CCDC171: variants seen among roughly 807,000 people sequenced by gnomAD.
The protein encoded by CCDC171 is coiled-coil domain containing 171.
Under a neutral mutation model 168.2 loss-of-function variants are expected in CCDC171, and 177 were observed. That is an observed-to-expected ratio of 1.05 (90% CI 0.93 to 1.19). The LOEUF (loss-of-function observed/expected upper bound fraction) is 1.19. Among genes scored for constraint, CCDC171 ranks in the 50% most tolerant of loss-of-function variants. The probability of loss-of-function intolerance (pLI) is 0.00; values close to 1 mark genes in which losing one functional copy is unlikely to be tolerated. For missense variants in CCDC171, 1,991 were observed against 1,539.0 expected (o/e 1.29, Z -4.91); for synonymous variants, 687 against 540.8 (o/e 1.27, Z -3.75).
intron 24 of CCDC171, among the ~76,000 whole-genome samples, chr9:15,878,481 G>A (rs1249484649): frequency 2.0e-5 from 3 of 152,088 alleles, no homozygotes; most frequent in African/African-American, 7.2e-5. Context: ...AAAAATAACA[G>A]ATGCTGATGA....
intron 21 of CCDC171, among the ~76,000 whole-genome samples, chr9:15,807,618 T>C (rs2059139277): frequency 6.6e-6 from 1 of 152,042 alleles, no homozygotes; most frequent in Non-Finnish European, 1.5e-5. Context: ...AATTGCTTAC[T>C]ACTTTGCTCT....
intron 10 of CCDC171, among the ~76,000 whole-genome samples, chr9:15,691,173 A>C (rs2050748318): frequency 6.6e-6 from 1 of 151,740 alleles, no homozygotes; most frequent in African/African-American, 2.4e-5. Context: ...CACTAATAGC[A>C]AAAAAAACTG....
At chr9:16,018,530 C>T (rs12005842) in intron 3 of CCDC171, among the ~76,000 whole-genome samples, 2,772 of 152,156 alleles carry the variant, frequency 0.018, 82 homozygotes, top group African/African-American at 0.062. Context: ...TTAAATAACT[C>T]GTTTCTTCAT....
chr9:15,750,805 A>G (rs181374208), intron 18 of CCDC171, among the ~76,000 whole-genome samples: 2 of 152,156 alleles, frequency 1.3e-5, no homozygotes, highest in African/African-American at 4.8e-5. Flanking sequence ...GTTTATGACA[A>G]ACCCACAGCC....
chr9:15,861,728 T>G (rs970177202), intron 23 of CCDC171, among the ~76,000 whole-genome samples: 4 of 151,996 alleles, frequency 2.6e-5, no homozygotes, highest in African/African-American at 9.7e-5. Context: ...CTTATAGTTG[T>G]TTTTAATACT....
chr9:15,607,580 G>A (rs558826080), intron 6 of CCDC171, among the ~76,000 whole-genome samples: 1 of 152,110 alleles, frequency 6.6e-6, no homozygotes, highest in Admixed American at 6.5e-5. Context: ...TCCCACCTCA[G>A]CCTCCTGAGT....
intron 7 of CCDC171, among the ~76,000 whole-genome samples, chr9:15,629,665 A>G (rs2045505951): frequency 6.6e-6 from 1 of 152,184 alleles, no homozygotes. Flanking sequence ...CAGATTCAGG[A>G]AATACAGAGA....
intron 4 of CCDC171, among the ~76,000 whole-genome samples, chr9:15,590,920 G>A (rs1300852977): frequency 6.8e-6 from 1 of 146,750 alleles, no homozygotes; most frequent in Non-Finnish European, 1.5e-5. Flanking sequence ...TCCCTATGTT[G>A]TTCAGGCTGG....
chr9:15,865,849 CGT>C (rs71325944), intron 23 of CCDC171, among the ~76,000 whole-genome samples: 6,065 of 147,484 alleles, frequency 0.041, 250 homozygotes, highest in South Asian at 0.14. Flanking sequence ...ACTCTGCGTG[CGT>C]GTGTGTGTGT....
intron 23 of CCDC171, among the ~76,000 whole-genome samples, chr9:15,861,593 G>A (rs2061561493): frequency 6.6e-6 from 1 of 151,772 alleles, no homozygotes; most frequent in South Asian, 2.1e-4. Context: ...AGTTTAAGTT[G>A]ATAACAACTT....
chr9:15,736,101 A>C (rs1311944291), intron 16 of CCDC171, among the ~76,000 whole-genome samples: 1 of 152,138 alleles, frequency 6.6e-6, no homozygotes, highest in East Asian at 1.9e-4. Context: ...CTTGTGTAGT[A>C]AGGAAGTTCT....
intron 7 of CCDC171, among the ~76,000 whole-genome samples, chr9:15,648,672 C>G (rs2047244899): frequency 2.0e-5 from 3 of 152,098 alleles, no homozygotes; most frequent in East Asian, 1.9e-4. Context: ...AATAAAATAC[C>G]TAGGAATAAA....
intron 24 of CCDC171, among the ~76,000 whole-genome samples, chr9:15,890,231 G>A (rs188866916): frequency 6.6e-6 from 1 of 152,146 alleles, no homozygotes; most frequent in East Asian, 1.9e-4. Context: ...GATATGAAAT[G>A]AAAGACATGG....
In CCDC171 at chr9:15,564,133, A is replaced by C. The variant is rs948293152; in HGVS notation, c.41+4A>C. On this transcript the variant is annotated splice_donor_region_variant and intron_variant, in intron 2 of 25. Coordinates refer to ENST00000380701, the MANE Select transcript of CCDC171 (RefSeq NM_173550.4). Reference sequence around the variant, plus strand: ...GTAATACTGGTGATACCCAAAGGTAAGCCTCTAGTCTCTTCTTTTAGTTGA... The same window carrying C: ...GTAATACTGGTGATACCCAAAGGTACGCCTCTAGTCTCTTCTTTTAGTTGA... 2 of 1,606,086 alleles carry C rather than the reference A, an allele frequency of 1.2e-6. No individual in the cohort carries two copies. Among genetic ancestry groups the C allele is most frequent in the African/African-American group, 2.7e-5 (2 of 74,568 alleles).
chr9:15,686,319 A>T (rs922226422), intron 10 of CCDC171, among the ~76,000 whole-genome samples: 1 of 152,072 alleles, frequency 6.6e-6, no homozygotes, highest in African/African-American at 2.4e-5. Context: ...GTGTGACTTT[A>T]GTGATATTCT....
At chr9:15,582,117 G>A (rs571236278) in intron 4 of CCDC171, among the ~76,000 whole-genome samples, 16 of 152,264 alleles carry the variant, frequency 1.1e-4, no homozygotes, top group Non-Finnish European at 2.2e-4. Flanking sequence ...AGTGGGCAAA[G>A]GATATGAACA....
intron 10 of CCDC171, among the ~76,000 whole-genome samples, chr9:15,683,427 C>T (rs2050171182): frequency 6.6e-6 from 1 of 151,784 alleles, no homozygotes; most frequent in Non-Finnish European, 1.5e-5. Flanking sequence ...AGGAGGTTTT[C>T]AAAACTAATG....
chr9:15,768,152 T>G (rs1364933076), intron 18 of CCDC171, among the ~76,000 whole-genome samples: 5 of 150,710 alleles, frequency 3.3e-5, no homozygotes, highest in Non-Finnish European at 7.4e-5. Context: ...ACCTCATTCT[T>G]GAACTGAAAG....
chr9:16,053,997 G>C (rs762904184), intron 1 of CCDC171, among the ~76,000 whole-genome samples: 2 of 152,224 alleles, frequency 1.3e-5, no homozygotes, highest in Non-Finnish European at 2.9e-5. Flanking sequence ...AGGTGGCCTT[G>C]GTTCCCAGAA....
Sources: gnomAD v4.1 joint callset for allele counts (sites outside exome capture counted in the v4.1 genomes callset) on GRCh38, gnomAD v4.1.1 for gene constraint, MANE v1.5 for transcripts, NCBI Gene and HGNC (gene_info 2026-07-23, HGNC 2026-07-21) for gene names.